CPS1: variants seen among roughly 807,000 people sequenced by gnomAD.
CPS1 encodes carbamoyl-phosphate synthase 1.
In CPS1, 109 loss-of-function variants were observed where a neutral mutation model predicts 174.6. The observed-to-expected ratio is 0.62, with a 90% CI of 0.53 to 0.73. The LOEUF (loss-of-function observed/expected upper bound fraction) is 0.73. CPS1 is among the 30% of genes least tolerant of loss of function. The pLI is 0.00. For missense variants in CPS1, 1,689 were observed against 1,821.9 expected, an observed-to-expected ratio of 0.93 and a Z score of 1.33; for synonymous variants, 637 against 632.0, an observed-to-expected ratio of 1.01 and a Z score of -0.12.
At chr2:210,543,485 CT>C (rs1696485164) in intron 1 of CPS1, among the ~76,000 whole-genome samples, 1 of 151,956 alleles carries the variant, frequency 6.6e-6, no homozygotes, top group Non-Finnish European at 1.5e-5. Context: ...GGTGCTTTTC[CT>C]CCCACATGAC....
chr2:210,645,914 T>C (rs759323881), intron 25 of CPS1, among the ~76,000 whole-genome samples: 2 of 152,192 alleles, frequency 1.3e-5, no homozygotes, highest in African/African-American at 2.4e-5. Context: ...CCAGGATACA[T>C]AGTAGAATCT....
intron 20 of CPS1, 89 bp downstream of exon 20, chr2:210,612,382 G>T (rs1699161551): frequency 7.9e-6 from 12 of 1,514,366 alleles, no homozygotes; most frequent in African/African-American, 1.4e-5. Context: ...ATCACAAAGT[G>T]GTTTTAAATC....
chr2:210,538,579 C>T (rs1696319865), intron 1 of CPS1, among the ~76,000 whole-genome samples: 1 of 152,006 alleles, frequency 6.6e-6, no homozygotes, highest in Admixed American at 6.5e-5. Context: ...ACATTGATCC[C>T]TATTTAATTA....
intron 19 of CPS1, among the ~76,000 whole-genome samples, chr2:210,610,908 G>A (rs72936120): frequency 6.6e-6 from 1 of 151,470 alleles, no homozygotes; most frequent in Non-Finnish European, 1.5e-5. Flanking sequence ...AAAAATATAT[G>A]GAGAGTTACT....
rs112242312 is a variant in CPS1 at position 210,547,616 on chromosome 2, T to G, written c.4-9103T>G. ...CTTTGATTTGCATGCAAATAGAAACTGCATTCCTAAAAGACCCTTAATTGA... is the reference window on the plus strand; with the variant it reads ...CTTTGATTTGCATGCAAATAGAAACGGCATTCCTAAAAGACCCTTAATTGA... On this transcript the variant is annotated intron_variant, in intron 1 of 38. Transcript: ENST00000430249. Among the ~76,000 whole-genome samples the G allele has an allele frequency of 9.3e-3, 1,416 of 152,198 alleles. 27 individuals are homozygous for G. Among genetic ancestry groups the G allele is most frequent in the African/African-American group, 0.032 (1,312 of 41,564 alleles).
intron 21 of CPS1, among the ~76,000 whole-genome samples, chr2:210,626,074 A>G (rs1384551753): frequency 2.6e-5 from 4 of 152,246 alleles, no homozygotes; most frequent in African/African-American, 9.6e-5. Flanking sequence ...ATCCAATACC[A>G]TAATGTCTTA....
intron 27 of CPS1, among the ~76,000 whole-genome samples, chr2:210,649,638 G>T (rs1470921499): frequency 6.6e-6 from 1 of 152,110 alleles, no homozygotes; most frequent in Non-Finnish European, 1.5e-5. Context: ...AACATTAAAA[G>T]ATAAATTTGT....
At chr2:210,554,866 CAT>C (rs1491318586), upstream of CPS1, among the ~76,000 whole-genome samples, 6 of 144,574 alleles carry the variant, frequency 4.2e-5, no homozygotes, top group Non-Finnish European at 7.7e-5. Flanking sequence ...CACACACACA[CAT>C]AAAAAGACAA....
intron 18 of CPS1, among the ~76,000 whole-genome samples, chr2:210,607,566 C>T (rs1698961751): frequency 6.6e-6 from 1 of 151,810 alleles, no homozygotes; most frequent in South Asian, 2.1e-4. Flanking sequence ...ATATTTACTT[C>T]TTTATATTTT....
At position 210,608,841 on chromosome 2, in the gene CPS1, A is replaced by G. The variant is rs144895195; in HGVS notation, c.2391+282A>G. On this transcript the variant is annotated intron_variant, in intron 19 of 37. Transcript: ENST00000233072. ...ATATATCTGGCTATATAGTATAGAT[A>G]CACATATGAAAACACATTCATATAC... Among the ~76,000 whole-genome samples the G allele has an allele frequency of 3.3e-3, 502 of 152,096 alleles. 4 individuals are homozygous for G. Among genetic ancestry groups the G allele is most frequent in the African/African-American group, 0.011 (456 of 41,544 alleles).
Position 210,548,853 on chromosome 2 carries a change from G to A in CPS1, c.4-7866G>A, listed in dbSNP as rs563548155. ...GGAATTGCAATAAAGTTTTAGGGAA[G>A]ATGGAACTTAATGTTTGTGAAAGCA... On this transcript the variant is annotated intron_variant, in intron 1 of 38. Coordinates refer to the CPS1 transcript ENST00000430249. Among the ~76,000 whole-genome samples, 4 of 152,188 alleles carry A rather than the reference G, an allele frequency of 2.6e-5. No homozygotes were observed. In the East Asian group the frequency reaches 7.8e-4, roughly 30 times the overall value.
At position 210,489,093 on chromosome 2, in the gene CPS1, G is replaced by A. The variant is rs118035194; in HGVS notation, c.3+11327G>A. Among the ~76,000 whole-genome samples, 1,072 of 152,202 alleles carry A rather than the reference G, an allele frequency of 7.0e-3. 27 individuals are homozygous for A. Among genetic ancestry groups the A allele is most frequent in the East Asian group, 0.04 (205 of 5,182 alleles). On this transcript the variant is annotated intron_variant, in intron 1 of 38. Coordinates refer to the CPS1 transcript ENST00000430249. ...ATGTTAACATTTGAAAAACTATTTG[G>A]TCTACCTGCACTGCAAACTTATAGA...
chr2:210,618,512 T>A (rs924943813), intron 21 of CPS1: 4 of 152,096 alleles, frequency 2.6e-5, no homozygotes, highest in African/African-American at 9.7e-5. Context: ...ATTATCTGAG[T>A]GTCACTTTAT....
At chr2:210,599,210 A>G (rs1698613383) in intron 13 of CPS1, among the ~76,000 whole-genome samples, 162 bp from the exon 14 acceptor site, 2 of 151,770 alleles carry the variant, frequency 1.3e-5, no homozygotes, top group African/African-American at 4.8e-5. Flanking sequence ...TCTTTGACCA[A>G]ATGCTTGTCT....
At chr2:210,529,929 A>T (rs976957340) in intron 1 of CPS1, among the ~76,000 whole-genome samples, 1 of 152,048 alleles carries the variant, frequency 6.6e-6, no homozygotes, top group African/African-American at 2.4e-5. Context: ...AGCATTTTCA[A>T]ATCTTGTCAC....
intron 22 of CPS1, among the ~76,000 whole-genome samples, chr2:210,638,359 C>G (rs1204075353): frequency 6.6e-6 from 1 of 152,076 alleles, no homozygotes; most frequent in Non-Finnish European, 1.5e-5. Flanking sequence ...TCATGACAAT[C>G]ACGCATGAAC....
intron 5 of CPS1, among the ~76,000 whole-genome samples, chr2:210,582,004 C>T (rs1232175269): frequency 6.6e-6 from 1 of 152,114 alleles, no homozygotes; most frequent in African/African-American, 2.4e-5. Context: ...GTGACATTGT[C>T]GTGTTCAAGC....
intron 33 of CPS1, among the ~76,000 whole-genome samples, chr2:210,665,662 T>A (rs1252302522): frequency 1.3e-5 from 2 of 151,842 alleles, no homozygotes; most frequent in Admixed American, 6.6e-5. Context: ...AACTCATCAT[T>A]TTTTATGGCT....
chr2:210,494,689 A>G, intron 1 of CPS1, among the ~76,000 whole-genome samples: 1 of 152,178 alleles, frequency 6.6e-6, no homozygotes, highest in South Asian at 2.1e-4. Context: ...AAATAACAAA[A>G]TTATTTGTTA....
Sources: gnomAD v4.1 joint callset for allele counts (sites outside exome capture counted in the v4.1 genomes callset) on GRCh38, gnomAD v4.1.1 for gene constraint, MANE v1.5 for transcripts, NCBI Gene and HGNC (gene_info 2026-07-23, HGNC 2026-07-21) for gene names.